RNF180: variants seen among roughly 807,000 people sequenced by gnomAD.
The protein encoded by RNF180 is E3 ubiquitin-protein ligase RNF180.
Under a neutral mutation model 59.2 loss-of-function variants are expected in RNF180, and 38 were observed. That is an observed-to-expected ratio of 0.64 (90% CI 0.50 to 0.84). The LOEUF (loss-of-function observed/expected upper bound fraction) is 0.84, where lower values mean the gene tolerates loss of function less well. RNF180 is among the 40% of genes least tolerant of loss of function. The pLI is 0.00. For missense variants in RNF180, 705 were observed against 700.9 expected, an observed-to-expected ratio of 1.01 and a Z score of -0.07; for synonymous variants, 262 against 240.3, an observed-to-expected ratio of 1.09 and a Z score of -0.84.
At chr5:64,237,949 TG>T in intron 5 of RNF180, among the ~76,000 whole-genome samples, 1 of 152,210 alleles carries the variant, frequency 6.6e-6, no homozygotes, top group Non-Finnish European at 1.5e-5. Flanking sequence ...TCCCTAGCTA[TG>T]TGGAACTGTG....
chr5:64,296,888 G>A (rs1470123155), intron 5 of RNF180, among the ~76,000 whole-genome samples: 1 of 152,004 alleles, frequency 6.6e-6, no homozygotes, highest in Non-Finnish European at 1.5e-5. Context: ...TATGGGAAAG[G>A]CCTTTCCACT....
chr5:64,213,521 T>G, intron 3 of RNF180, 37 bp from the exon 4 acceptor site: 1 of 1,541,576 alleles, frequency 6.5e-7, no homozygotes, highest in Non-Finnish European at 8.7e-7. Flanking sequence ...TACTTTATAA[T>G]GAAAGCACTG....
chr5:64,370,486 T>C lies in RNF180; in HGVS notation c.*672T>C, dbSNP rs1248412719. ...AACACTTTCCAGATTGAAGGATTAA[T>C]CACCAGAAGACATGAAAAATTTACC... On this transcript the variant is annotated 3_prime_UTR_variant, in exon 8 of 8. Transcript: ENST00000389100. The C allele has an allele frequency of 6.6e-6, 1 of 151,732 alleles. No homozygotes were observed. The highest frequency in any genetic ancestry group is 1.5e-5 in the Non-Finnish European group (1 of 67,822). The allele number at this position is 151,732 out of a possible 1,614,324, so 9.4% of individuals were successfully genotyped here.
intron 7 of RNF180, among the ~76,000 whole-genome samples, chr5:64,343,510 G>C (rs1254302282): frequency 6.6e-6 from 1 of 151,844 alleles, no homozygotes; most frequent in South Asian, 2.1e-4. Flanking sequence ...ATAAATCTCA[G>C]CATAGCCTAA....
intron 5 of RNF180, among the ~76,000 whole-genome samples, chr5:64,322,450 T>C (rs545745676): frequency 1.3e-5 from 2 of 152,126 alleles, no homozygotes; most frequent in African/African-American, 4.8e-5. Context: ...TGAGATACCA[T>C]CTCATGCCAG....
chr5:64,202,187 C>G (rs1488544669), intron 2 of RNF180, among the ~76,000 whole-genome samples: 1 of 152,228 alleles, frequency 6.6e-6, no homozygotes, highest in African/African-American at 2.4e-5. Flanking sequence ...CTCCCTCTCA[C>G]TGATGTCTTT....
chr5:64,325,457 C>T (rs1252465276), intron 6 of RNF180, 46 bp downstream of exon 6: 1 of 1,258,080 alleles, frequency 7.9e-7, no homozygotes, highest in Non-Finnish European at 1.1e-6. Flanking sequence ...TATTCTACCT[C>T]TTATAGTTCT....
intron 7 of RNF180, among the ~76,000 whole-genome samples, chr5:64,337,269 A>C (rs1352991678): frequency 6.6e-6 from 1 of 152,134 alleles, no homozygotes; most frequent in East Asian, 1.9e-4. Context: ...TCGGCCTCCC[A>C]AAGTGCTAGG....
At chr5:64,305,699 CATGTTAATGTAGTA>C (rs967693037) in intron 5 of RNF180, among the ~76,000 whole-genome samples, 1 of 151,538 alleles carries the variant, frequency 6.6e-6, no homozygotes, top group African/African-American at 2.4e-5. Context: ...TTAATTACTA[CATGTTAATGTAGTA>C]ACATTCTGCC....
At chr5:64,329,872 A>T (rs908889299) in intron 6 of RNF180, among the ~76,000 whole-genome samples, 4 of 152,214 alleles carry the variant, frequency 2.6e-5, no homozygotes, top group African/African-American at 9.6e-5. Flanking sequence ...AGCAATGCTT[A>T]TTTGCCTGTG....
chr5:64,300,563 T>C (rs920271212), intron 5 of RNF180, among the ~76,000 whole-genome samples: 1 of 151,822 alleles, frequency 6.6e-6, no homozygotes, highest in African/African-American at 2.4e-5. Flanking sequence ...CTAGCTGTGG[T>C]TTCAGGCATC....
chr5:64,354,129 G>T (rs1745925234), intron 7 of RNF180, among the ~76,000 whole-genome samples: 1 of 150,670 alleles, frequency 6.6e-6, no homozygotes, highest in Non-Finnish European at 1.5e-5. Context: ...ATTAGAATAG[G>T]GATTAATGAA....
At chr5:64,317,176 A>G (rs988308099) in intron 5 of RNF180, among the ~76,000 whole-genome samples, 1 of 152,180 alleles carries the variant, frequency 6.6e-6, no homozygotes, top group Non-Finnish European at 1.5e-5. Flanking sequence ...ACACACATAT[A>G]CAGGCATACC....
rs572399037 is a variant in RNF180, at chr5:64,272,997, T to C, written c.1228-52189T>C. On this transcript the variant is annotated intron_variant, in intron 5 of 7. Transcript: ENST00000389100. The stretch of plus-strand genomic sequence containing the variant: ...GCTGGAGTACTAAATCTGAAGTTTA[T>C]CTGTATACAAATATTGACAGAAGCT... Among the ~76,000 whole-genome samples, 3 of 152,012 alleles carry C rather than the reference T, an allele frequency of 2.0e-5. No homozygotes were observed. In the South Asian group the frequency reaches 6.2e-4, roughly 31 times the overall value.
At chr5:64,168,799 T>G (rs561474657) in intron 1 of RNF180, among the ~76,000 whole-genome samples, 51 of 152,308 alleles carry the variant, frequency 3.3e-4, no homozygotes, top group Middle Eastern at 3.4e-3. Context: ...GCAACAGACT[T>G]TCCTGACCAC....
chr5:64,221,302 T>C (rs971474195), intron 5 of RNF180, among the ~76,000 whole-genome samples: 1 of 152,134 alleles, frequency 6.6e-6, no homozygotes, highest in Non-Finnish European at 1.5e-5. Flanking sequence ...TTTGAGTTTA[T>C]AATACACATT....
intron 5 of RNF180, among the ~76,000 whole-genome samples, chr5:64,324,792 A>G (rs1744550513): frequency 6.6e-6 from 1 of 152,182 alleles, no homozygotes; most frequent in Admixed American, 6.5e-5. Flanking sequence ...TTCATCATGC[A>G]TGGATGCTCA....
chr5:64,357,406 A>G (rs566161933), intron 7 of RNF180, among the ~76,000 whole-genome samples: 3 of 151,858 alleles, frequency 2.0e-5, no homozygotes, highest in African/African-American at 7.2e-5. Context: ...TATCCGTCCC[A>G]TCATATTTGA....
chr5:64,212,140 A>AT lies in RNF180; in HGVS notation c.212dup (p.Ser72LysfsTer27). 6.3e-7 allele frequency: 1 copy of AT among 1,593,002 alleles called. No individual in the cohort carries two copies. The highest frequency in any genetic ancestry group is 1.3e-5 in the African/African-American group (1 of 74,648). ...GAATGTAGAAGCCCTTCCAGAATGGATAAGCTGCCTAATCCAAAAAGTAAG... is the reference window on the plus strand; with the variant it reads ...GAATGTAGAAGCCCTTCCAGAATGGATTAAGCTGCCTAATCCAAAAAGTAAG... On this transcript the variant is annotated frameshift_variant, in exon 3 of 8. Coordinates refer to ENST00000389100, the MANE Select transcript of RNF180 (RefSeq NM_001113561.2). LOFTEE classifies it high-confidence loss of function.
Sources: gnomAD v4.1 joint callset for allele counts (sites outside exome capture counted in the v4.1 genomes callset) on GRCh38, gnomAD v4.1.1 for gene constraint, MANE v1.5 for transcripts, NCBI Gene and HGNC (gene_info 2026-07-23, HGNC 2026-07-21) for gene names.